Variants in AGPAT4 observed in about 807,000 individuals in gnomAD.
AGPAT4 encodes the protein 1-acyl-sn-glycerol-3-phosphate acyltransferase delta.
In AGPAT4, 15 loss-of-function variants were observed where a neutral mutation model predicts 48.0. The observed-to-expected ratio is 0.31, with a 90% confidence interval of 0.21 to 0.48. The LOEUF (loss-of-function observed/expected upper bound fraction) is 0.48. Among genes scored for constraint, AGPAT4 ranks in the 20% least tolerant of loss-of-function variants. AGPAT4 has a pLI of 0.99. For synonymous variants in AGPAT4, 178 were observed against 198.7 expected (o/e 0.90, Z 0.88); for missense variants, 314 against 482.5 (o/e 0.65, Z 3.27).
Position 161,139,711 on chromosome 6 carries a change from T to A in AGPAT4, c.844-91A>T. The A allele has an allele frequency of 8.4e-7, 1 of 1,188,640 alleles. No homozygotes were observed. The highest frequency in any genetic ancestry group is 1.5e-5 in the African/African-American group (1 of 65,286). 73.6% of individuals were successfully genotyped at this position (1,188,640 alleles called of 1,614,324 possible). A position where few individuals can be genotyped will look rare whatever the true frequency, so the allele number is the denominator to read the frequency against. On this transcript the variant is annotated intron_variant, in intron 7 of 8. Coordinates refer to ENST00000320285, the MANE Select transcript of AGPAT4 (RefSeq NM_020133.3). The surrounding 1 kb of genome is among the most constrained non-coding windows in gnomAD (Gnocchi z 9.1). ...CCTGCTTCCAAGGGAATCGCAGAGA[T>A]ACACAGGTGCCACCGGGGCTCGGCA...
rs975970281 is a variant in AGPAT4 at position 161,158,145 on chromosome 6, C to G, written c.349-3835G>C. Among the ~76,000 whole-genome samples, 2 of 152,196 alleles carry G rather than the reference C, an allele frequency of 1.3e-5. No homozygotes were observed. Among genetic ancestry groups the G allele is most frequent in the Non-Finnish European group, 2.9e-5 (2 of 68,036 alleles). The stretch of plus-strand genomic sequence containing the variant: ...ACAATAGATTACATTTATTTAAGCA[C>G]AACTGAAGAGTCACTGTGCACAGAC... On this transcript the variant is annotated intron_variant, in intron 3 of 8. Transcript: ENST00000320285. This position sits in a 1 kb window ranked among gnomAD's most constrained non-coding sequence, Gnocchi z 5.3.
At position 161,204,692 on chromosome 6, in the gene AGPAT4, T is replaced by A. The variant is rs1177312139; in HGVS notation, c.178+27344A>T. 2.0e-5 allele frequency among the ~76,000 whole-genome samples: 3 copies of A among 151,886 alleles called. No homozygotes were observed. Among genetic ancestry groups the A allele is most frequent in the Non-Finnish European group, 1.5e-5 (1 of 68,002 alleles). On this transcript the variant is annotated intron_variant, in intron 2 of 8. Coordinates refer to ENST00000320285, the MANE Select transcript of AGPAT4 (RefSeq NM_020133.3). The surrounding 1 kb of genome is among the most constrained non-coding windows in gnomAD (Gnocchi z 4.4). ...GTCATCAGCAGCTGTTAAAAAAAAA[T>A]GTTCCCTAAATTCACAGAATATGAG...
rs377487244 is a variant in AGPAT4 at position 161,245,363 on chromosome 6, G to A, written c.-89-13061C>T. Among the ~76,000 whole-genome samples, 30 of 152,344 alleles carry A rather than the reference G, an allele frequency of 2.0e-4. No homozygotes were observed. The highest frequency in any genetic ancestry group is 7.0e-4 in the African/African-American group (29 of 41,580). ...AGCCTTCTGCAGGGCAGATGCTTAGGCATTGGATATCAGTCCCAGTTTTAT... is the reference window on the plus strand; with the variant it reads ...AGCCTTCTGCAGGGCAGATGCTTAGACATTGGATATCAGTCCCAGTTTTAT... On this transcript the variant is annotated intron_variant, in intron 1 of 8. Transcript: ENST00000320285. The surrounding 1 kb of genome is among the most constrained non-coding windows in gnomAD (Gnocchi z 5.2).
Position 161,147,586 on chromosome 6 carries a change from T to C in AGPAT4, c.768-987A>G, listed in dbSNP as rs1243910347. ...AACAGATTACAATGAGCCACTTCCTTTTCAAGGCAGTATTGTACAGAGGTA... is the reference window on the plus strand; with the variant it reads ...AACAGATTACAATGAGCCACTTCCTCTTCAAGGCAGTATTGTACAGAGGTA... On this transcript the variant is annotated intron_variant, in intron 6 of 8. Transcript: ENST00000320285. This position sits in a 1 kb window ranked among gnomAD's most constrained non-coding sequence, Gnocchi z 4.8. Among the ~76,000 whole-genome samples the C allele has an allele frequency of 1.3e-5, 2 of 152,196 alleles. No homozygotes were observed. The highest frequency in any genetic ancestry group is 2.4e-5 in the African/African-American group (1 of 41,444).
intron 1 of AGPAT4, among the ~76,000 whole-genome samples, chr6:161,239,015 C>T (rs1330105221): frequency 2.0e-5 from 3 of 152,112 alleles, no homozygotes. Context: ...TGAGAATAGA[C>T]TAATTAATAC....
At chr6:161,224,853 G>T (rs1382983102) in intron 2 of AGPAT4, among the ~76,000 whole-genome samples, 2 of 152,030 alleles carry the variant, frequency 1.3e-5, no homozygotes, top group African/African-American at 4.8e-5. Context: ...TCATTTCATT[G>T]GTCCAGTTAT....
Position 161,141,509 on chromosome 6 carries a change from A to G in AGPAT4, c.844-1889T>C, listed in dbSNP as rs961267025. Among the ~76,000 whole-genome samples the G allele has an allele frequency of 6.6e-6, 1 of 151,784 alleles. No individual in the cohort carries two copies. Among genetic ancestry groups the G allele is most frequent in the Non-Finnish European group, 1.5e-5 (1 of 67,976 alleles). The stretch of plus-strand genomic sequence containing the variant: ...TTCGCCTGCCCACCAGAACGGGGTG[A>G]TTTTCTTATCCCAGGTTGGGGCCAC... On this transcript the variant is annotated intron_variant, in intron 7 of 8. Coordinates refer to ENST00000320285, the MANE Select transcript of AGPAT4 (RefSeq NM_020133.3). This position sits in a 1 kb window ranked among gnomAD's most constrained non-coding sequence, Gnocchi z 6.7.
chr6:161,173,206 G>A (rs1780328907), intron 2 of AGPAT4, among the ~76,000 whole-genome samples: 1 of 152,202 alleles, frequency 6.6e-6, no homozygotes, highest in Admixed American at 6.5e-5. Context: ...CTAGATCCTT[G>A]AGGAATCGCC....
chr6:161,167,233 C>T (rs1322556827), intron 2 of AGPAT4, among the ~76,000 whole-genome samples: 2 of 151,970 alleles, frequency 1.3e-5, no homozygotes, highest in Non-Finnish European at 2.9e-5. Context: ...GTGCCTCCTC[C>T]CCCTTTCTTT....
chr6:161,240,938 C>T lies in AGPAT4; in HGVS notation c.-89-8636G>A, dbSNP rs1177009932. Among the ~76,000 whole-genome samples, 3 of 152,038 alleles carry T rather than the reference C, an allele frequency of 2.0e-5. No homozygotes were observed. Among genetic ancestry groups the T allele is most frequent in the Admixed American group, 6.6e-5 (1 of 15,258 alleles). ...AGACTGGATTTAACTGTCTTTGGGA[C>T]GAGCTCTAAGTAACATAGTCCTCAA... On this transcript the variant is annotated intron_variant, in intron 1 of 8. Coordinates refer to ENST00000320285, the MANE Select transcript of AGPAT4 (RefSeq NM_020133.3). The surrounding 1 kb of genome is among the most constrained non-coding windows in gnomAD (Gnocchi z 5.5).
rs1781742218 is a variant in AGPAT4 at position 161,219,426 on chromosome 6, GT to G, written c.178+12609del. 6.6e-6 allele frequency among the ~76,000 whole-genome samples: 1 copy of G among 151,896 alleles called. No individual in the cohort carries two copies. Among genetic ancestry groups the G allele is most frequent in the South Asian group, 2.1e-4 (1 of 4,814 alleles). ...AACATAAATAGAAGCTCTCAGGTTT[GT>G]TTTTTCTATACCCCAATGGCTTGTC... On this transcript the variant is annotated intron_variant, in intron 2 of 8. Coordinates refer to ENST00000320285, the MANE Select transcript of AGPAT4 (RefSeq NM_020133.3). This position sits in a 1 kb window ranked among gnomAD's most constrained non-coding sequence, Gnocchi z 4.9.
chr6:161,166,390 G>A lies in AGPAT4; in HGVS notation c.206C>T (p.Ser69Leu). Residue 69 changes from serine (S) to leucine (L), a missense_variant, in exon 3 of 9, where the codon TCG becomes TTG. Transcript: ENST00000320285. This position sits in a 1 kb window ranked among gnomAD's most constrained non-coding sequence, Gnocchi z 6.7. ...CGTGAAGATGGTGCATTCCGTGCCCGACCACCACTCCAGCAGCATCACCAG... is the reference window on the plus strand; with the variant it reads ...CGTGAAGATGGTGCATTCCGTGCCCAACCACCACTCCAGCAGCATCACCAG... Reference protein sequence around the residue: ...SQLVMLLEWWSGTECTIFTDP... With the variant: ...SQLVMLLEWWLGTECTIFTDP... 1.9e-6 allele frequency: 3 copies of A among 1,611,310 alleles called. No homozygotes were observed. The highest frequency in any genetic ancestry group is 2.5e-6 in the Non-Finnish European group (3 of 1,178,562).
At chr6:161,207,312 G>T (rs1324160407) in intron 2 of AGPAT4, among the ~76,000 whole-genome samples, 1 of 152,192 alleles carries the variant, frequency 6.6e-6, no homozygotes, top group Non-Finnish European at 1.5e-5. Flanking sequence ...TCTCTCCAGT[G>T]AGTACCAGTG....
Position 161,233,109 on chromosome 6 carries a change from C to CCACACA in AGPAT4, c.-89-813_-89-808dup, listed in dbSNP as rs56226316. 2.2e-3 allele frequency among the ~76,000 whole-genome samples: 319 copies of CCACACA among 147,412 alleles called. 3 individuals carry two copies. The highest frequency in any genetic ancestry group is 7.1e-3 in the African/African-American group (288 of 40,292). ...AGACACATAGACACACACACAAACA[C>CCACACA]CACACACACACACACACACACACAC... is the stretch of plus-strand genomic sequence containing the variant. On this transcript the variant is annotated intron_variant, in intron 1 of 8. Coordinates refer to ENST00000320285, the MANE Select transcript of AGPAT4 (RefSeq NM_020133.3). This position sits in a 1 kb window ranked among gnomAD's most constrained non-coding sequence, Gnocchi z 5.4.
At chr6:161,211,440 T>C (rs905239407) in intron 2 of AGPAT4, among the ~76,000 whole-genome samples, 1 of 152,082 alleles carries the variant, frequency 6.6e-6, no homozygotes, top group African/African-American at 2.4e-5. Context: ...AAGAAAGTTA[T>C]AAAAATACAG....
At chr6:161,168,372 T>C (rs552087772) in intron 2 of AGPAT4, among the ~76,000 whole-genome samples, 1 of 152,102 alleles carries the variant, frequency 6.6e-6, no homozygotes, top group South Asian at 2.1e-4. Context: ...CACATTTCGT[T>C]TGTGTCACAG....
Position 161,178,826 on chromosome 6 carries a change from G to A in AGPAT4, c.179-12409C>T, listed in dbSNP as rs1003251452. Reference sequence around the variant, plus strand: ...CAATTTTGCAGATGTTGTTTTGACTGTGCTGCTCTCTGAGGGCTCAGTGAA... The same window carrying A: ...CAATTTTGCAGATGTTGTTTTGACTATGCTGCTCTCTGAGGGCTCAGTGAA... On this transcript the variant is annotated intron_variant, in intron 2 of 8. Transcript: ENST00000320285. This position sits in a 1 kb window ranked among gnomAD's most constrained non-coding sequence, Gnocchi z 5.1. Among the ~76,000 whole-genome samples the A allele has an allele frequency of 6.6e-6, 1 of 152,180 alleles. No homozygotes were observed. Among genetic ancestry groups the A allele is most frequent in the Admixed American group, 6.5e-5 (1 of 15,280 alleles).
intron 2 of AGPAT4, among the ~76,000 whole-genome samples, chr6:161,179,497 C>T (rs952158148): frequency 7.2e-5 from 11 of 152,154 alleles, no homozygotes; most frequent in African/African-American, 2.7e-4. Context: ...AGAGCAGATG[C>T]TAAAATATTT....
intron 1 of AGPAT4, among the ~76,000 whole-genome samples, chr6:161,241,802 G>C (rs1186876485): frequency 6.6e-6 from 1 of 152,118 alleles, no homozygotes. Flanking sequence ...GCACAATCTC[G>C]GCTCACTGCA....
Sources: allele counts gnomAD v4.1 joint callset (sites outside exome capture counted in the v4.1 genomes callset), GRCh38; gene constraint gnomAD v4.1.1; non-coding constraint Gnocchi (gnomAD v3.1); transcripts MANE v1.5; gene names NCBI Gene and HGNC (gene_info 2026-07-23, HGNC 2026-07-21).